CFAP90: variants seen among roughly 807,000 people sequenced by gnomAD.
CFAP90 encodes the protein cilia- and flagella-associated protein 90.
the CFAP90 span, among the ~76,000 whole-genome samples, chr5:7,846,700 G>A: frequency 2.6e-5 from 4 of 152,096 alleles, no homozygotes; most frequent in African/African-American, 7.2e-5. Flanking sequence ...ATTCTGTACT[G>A]TTTTTACTAC....
the CFAP90 span, chr5:7,831,636 G>A: frequency 1.9e-6 from 1 of 514,108 alleles, no homozygotes; most frequent in East Asian, 2.9e-5. Context: ...CTCTTCACAT[G>A]TACTAAAGGT....
the CFAP90 span, among the ~76,000 whole-genome samples, chr5:7,834,160 C>T: frequency 6.6e-6 from 1 of 152,060 alleles, no homozygotes; most frequent in African/African-American, 2.4e-5. Flanking sequence ...CAGCTCCATG[C>T]GTGTTGCGTG....
At chr5:7,835,244 G>T in the CFAP90 span, 1 of 584,328 alleles carries the variant, frequency 1.7e-6, no homozygotes. Flanking sequence ...CTTGACATAA[G>T]GTTGCCACAA....
At chr5:7,846,686 A>G in the CFAP90 span, among the ~76,000 whole-genome samples, 2 of 152,114 alleles carry the variant, frequency 1.3e-5, no homozygotes, top group Non-Finnish European at 2.9e-5. Flanking sequence ...TGGCTTAAGA[A>G]CTAATTCTGT....
At chr5:7,846,392 C>T in the CFAP90 span, among the ~76,000 whole-genome samples, 1 of 152,188 alleles carries the variant, frequency 6.6e-6, no homozygotes, top group Non-Finnish European at 1.5e-5. Flanking sequence ...TCTCAAGGTT[C>T]TCAAGGTTGG....
chr5:7,847,804 T>C, the CFAP90 span, among the ~76,000 whole-genome samples: 1 of 152,200 alleles, frequency 6.6e-6, no homozygotes, highest in Non-Finnish European at 1.5e-5. Context: ...AATGCAAGAA[T>C]GAACTGTGCC....
At chr5:7,850,362 G>T in the CFAP90 span, among the ~76,000 whole-genome samples, 3 of 149,632 alleles carry the variant, frequency 2.0e-5, no homozygotes, top group Admixed American at 6.6e-5. Flanking sequence ...TGCCCCCAGG[G>T]TCCCTGCCCG....
chr5:7,834,591 A>T, the CFAP90 span, among the ~76,000 whole-genome samples: 1 of 152,032 alleles, frequency 6.6e-6, no homozygotes, highest in Non-Finnish European at 1.5e-5. Context: ...TCACTCCCTG[A>T]CTCACCCAGA....
the CFAP90 span, among the ~76,000 whole-genome samples, chr5:7,839,753 G>A: frequency 7.9e-5 from 12 of 152,152 alleles, no homozygotes; most frequent in Admixed American, 6.5e-4. Flanking sequence ...TGTGGGTGTG[G>A]AGTGATCAGA....
chr5:7,837,191 T>C, the CFAP90 span, among the ~76,000 whole-genome samples: 1 of 152,168 alleles, frequency 6.6e-6, no homozygotes, highest in African/African-American at 2.4e-5. Context: ...CCATTATCTG[T>C]ATTATCTCCA....
the CFAP90 span, chr5:7,850,815 GCCGC>G: frequency 1.7e-6 from 2 of 1,209,068 alleles, no homozygotes; most frequent in Non-Finnish European, 1.0e-6. Context: ...CAGCCGCCCA[GCCGC>G]CCAGCCGCCC....
chr5:7,837,080 A>G, the CFAP90 span, among the ~76,000 whole-genome samples: 60 of 152,296 alleles, frequency 3.9e-4, no homozygotes, highest in Non-Finnish European at 6.8e-4. Flanking sequence ...TAATCCATAT[A>G]TATATGAATA....
chr5:7,841,219 A>G, the CFAP90 span, among the ~76,000 whole-genome samples: 1 of 152,230 alleles, frequency 6.6e-6, no homozygotes, highest in Non-Finnish European at 1.5e-5. Flanking sequence ...GCCAACAAAC[A>G]TGAAAAAAAG....
the CFAP90 span, among the ~76,000 whole-genome samples, chr5:7,845,388 G>T: frequency 1.3e-5 from 2 of 152,276 alleles, no homozygotes; most frequent in South Asian, 4.2e-4. Flanking sequence ...GATGCATAAA[G>T]AAACAGTCAG....
At chr5:7,846,402 G>C in the CFAP90 span, among the ~76,000 whole-genome samples, 1 of 152,290 alleles carries the variant, frequency 6.6e-6, no homozygotes, top group Middle Eastern at 3.4e-3. Context: ...CTCAAGGTTG[G>C]GCAGTCCAAG....
At chr5:7,849,349 A>G in the CFAP90 span, among the ~76,000 whole-genome samples, 1 of 152,110 alleles carries the variant, frequency 6.6e-6, no homozygotes, top group Non-Finnish European at 1.5e-5. Flanking sequence ...GGGGAAAGGA[A>G]GGATGCATTT....
chr5:7,837,275 T>C, the CFAP90 span, among the ~76,000 whole-genome samples: 1 of 152,184 alleles, frequency 6.6e-6, no homozygotes, highest in East Asian at 1.9e-4. Flanking sequence ...GAAAAAAGAA[T>C]GCATGTGTTA....
chr5:7,845,302 T>C, the CFAP90 span, among the ~76,000 whole-genome samples: 3 of 152,152 alleles, frequency 2.0e-5, no homozygotes, highest in Non-Finnish European at 4.4e-5. Flanking sequence ...TGCTAAACCA[T>C]ATCAACATGC....
the CFAP90 span, among the ~76,000 whole-genome samples, chr5:7,844,053 C>T: frequency 1.1e-3 from 163 of 152,234 alleles, no homozygotes; most frequent in African/African-American, 3.9e-3. Flanking sequence ...AACATGCCTG[C>T]CTCCCCTTTC....
Sources: allele counts gnomAD v4.1 joint callset (sites outside exome capture counted in the v4.1 genomes callset), GRCh38; gene constraint gnomAD v4.1.1; transcripts MANE v1.5; gene names NCBI Gene and HGNC (gene_info 2026-07-23, HGNC 2026-07-21).